The following GPRASP3 variants were observed in gnomAD, a reference collection of about 807,000 sequenced individuals.
GPRASP3 encodes G protein-coupled receptor associated sorting protein 3.
the GPRASP3 span, among the ~76,000 whole-genome samples, chrX:102,734,040 G>A: frequency 2.7e-5 from 3 of 111,066 alleles, no homozygotes; most frequent in African/African-American, 9.8e-5. Flanking sequence ...CCAGGAGAAG[G>A]AATTTCATAA....
the GPRASP3 span, chrX:102,750,090 T>C: frequency 2.5e-6 from 3 of 1,210,205 alleles, no homozygotes; most frequent in Admixed American, 4.4e-5. Context: ...ACGAAGTAGG[T>C]GTAGTGACAC....
At chrX:102,742,350 C>T in the GPRASP3 span, among the ~76,000 whole-genome samples, 1 of 111,545 alleles carries the variant, frequency 9.0e-6, no homozygotes, top group Non-Finnish European at 1.9e-5. Flanking sequence ...GACCTTCTTG[C>T]CTGGGGACCA....
the GPRASP3 span, among the ~76,000 whole-genome samples, chrX:102,722,775 T>C: frequency 1.8e-5 from 2 of 111,425 alleles, no homozygotes; most frequent in African/African-American, 6.5e-5. Flanking sequence ...ATAGCAAGGG[T>C]TCTAGGAGCT....
At chrX:102,749,380 G>T in the GPRASP3 span, 472 of 1,210,421 alleles carry the variant, frequency 3.9e-4, 10 homozygotes, top group African/African-American at 5.8e-3. Context: ...TGGAGAAGAG[G>T]CTGGTAATAG....
chrX:102,725,798 C>T, the GPRASP3 span, among the ~76,000 whole-genome samples: 6 of 112,727 alleles, frequency 5.3e-5, no homozygotes, highest in African/African-American at 1.9e-4. Context: ...CCACCCGCCT[C>T]GGCCACCCAA....
the GPRASP3 span, among the ~76,000 whole-genome samples, chrX:102,738,347 G>A: frequency 8.9e-6 from 1 of 112,242 alleles, no homozygotes; most frequent in Admixed American, 9.4e-5. Flanking sequence ...TCTTTACCAT[G>A]TACCCATGGT....
chrX:102,726,815 C>G, the GPRASP3 span, among the ~76,000 whole-genome samples: 4 of 112,629 alleles, frequency 3.6e-5, no homozygotes, highest in Non-Finnish European at 7.5e-5. Flanking sequence ...CTAGGTTTAT[C>G]TATTATCTTA....
chrX:102,728,123 T>C, the GPRASP3 span, among the ~76,000 whole-genome samples: 1 of 111,780 alleles, frequency 8.9e-6, no homozygotes, highest in Non-Finnish European at 1.9e-5. Flanking sequence ...CTCTTGATGG[T>C]GGTGGTGGTG....
chrX:102,735,688 G>A, the GPRASP3 span, among the ~76,000 whole-genome samples: 1 of 112,136 alleles, frequency 8.9e-6, no homozygotes, highest in Non-Finnish European at 1.9e-5. Context: ...GATTACAGGC[G>A]CGAGCCACCG....
At chrX:102,752,694 G>T in the GPRASP3 span, 1 of 123,249 alleles carries the variant, frequency 8.1e-6, no homozygotes, top group Admixed American at 9.5e-5. Context: ...AAAGTATACA[G>T]TGTGATCAGT....
At chrX:102,732,046 A>T in the GPRASP3 span, among the ~76,000 whole-genome samples, 1 of 111,710 alleles carries the variant, frequency 9.0e-6, no homozygotes, top group East Asian at 2.8e-4. Context: ...GCCAACTATC[A>T]CTTTTAAAGA....
chrX:102,735,923 T>C, the GPRASP3 span, among the ~76,000 whole-genome samples: 1 of 112,570 alleles, frequency 8.9e-6, no homozygotes, highest in Non-Finnish European at 1.9e-5. Flanking sequence ...AAATACATGT[T>C]ACACTGTTGA....
chrX:102,745,549 G>C, the GPRASP3 span, among the ~76,000 whole-genome samples: 8 of 110,929 alleles, frequency 7.2e-5, no homozygotes, highest in East Asian at 2.9e-4. Flanking sequence ...ACCCCTCCCA[G>C]ACTGCACTGC....
chrX:102,751,949 ATTTT>A, the GPRASP3 span: 6 of 92,825 alleles, frequency 6.5e-5, no homozygotes, highest in African/African-American at 1.3e-4. Context: ...TCATACCTTA[ATTTT>A]TTTTTTTTTT....
the GPRASP3 span, chrX:102,749,292 C>A: frequency 2.5e-6 from 3 of 1,209,933 alleles, no homozygotes; most frequent in African/African-American, 3.5e-5. Context: ...CCACCAGCTC[C>A]ACATGTAAAA....
At chrX:102,753,532 C>G in the GPRASP3 span, 3 of 122,635 alleles carry the variant, frequency 2.4e-5, no homozygotes, top group Non-Finnish European at 5.6e-5. Flanking sequence ...TAAAATCTCT[C>G]TCCACTTATT....
At chrX:102,733,893 G>A in the GPRASP3 span, among the ~76,000 whole-genome samples, 16 of 110,240 alleles carry the variant, frequency 1.5e-4, no homozygotes, top group East Asian at 1.4e-3. Context: ...GAGAGTCAGC[G>A]AAGGGAGATA....
chrX:102,739,595 G>A, the GPRASP3 span, among the ~76,000 whole-genome samples: 28 of 111,725 alleles, frequency 2.5e-4, no homozygotes, highest in Admixed American at 1.6e-3. Flanking sequence ...CCAAAGTGGT[G>A]GTGGCTTAAA....
At chrX:102,737,293 T>C in the GPRASP3 span, among the ~76,000 whole-genome samples, 1 of 112,272 alleles carries the variant, frequency 8.9e-6, no homozygotes, top group African/African-American at 3.2e-5. Flanking sequence ...CCAATACTTG[T>C]GGTTTTTGAA....
Sources: allele counts gnomAD v4.1 joint callset (sites outside exome capture counted in the v4.1 genomes callset), GRCh38; gene constraint gnomAD v4.1.1; transcripts MANE v1.5; gene names NCBI Gene and HGNC (gene_info 2026-07-23, HGNC 2026-07-21).